FBXW8: variants seen among roughly 807,000 people sequenced by gnomAD.
The protein encoded by FBXW8 is F-box/WD repeat-containing protein 8.
Under a neutral mutation model 65.3 loss-of-function variants are expected in FBXW8, and 57 were observed. The ratio of observed to expected loss-of-function variants is 0.87; its 90% CI spans 0.71 to 1.09. The LOEUF is 1.09. FBXW8 is among the 50% of genes least tolerant of loss of function. FBXW8 has a pLI of 0.00. For synonymous variants in FBXW8, 308 were observed against 330.2 expected, an observed-to-expected ratio of 0.93 and a Z score of 0.73; for missense variants, 777 against 814.8, an observed-to-expected ratio of 0.95 and a Z score of 0.57.
intron 1 of FBXW8, 152 bp from the exon 2 acceptor site, chr12:116,927,871 G>A: frequency 1.7e-6 from 1 of 583,786 alleles, no homozygotes; most frequent in Non-Finnish European, 3.0e-6. Context: ...ATGACTGCCT[G>A]GTGAAACAGT....
chr12:116,993,543 GA>G (rs1953304763), intron 7 of FBXW8, among the ~76,000 whole-genome samples: 1 of 152,094 alleles, frequency 6.6e-6, no homozygotes, highest in Non-Finnish European at 1.5e-5. Context: ...ATTCTTTTGA[GA>G]AATATCTGTT....
chr12:116,991,342 C>T (rs1399078706), intron 7 of FBXW8, among the ~76,000 whole-genome samples: 1 of 152,192 alleles, frequency 6.6e-6, no homozygotes, highest in East Asian at 1.9e-4. Context: ...TTTCTGCTTC[C>T]TCAGAAAAAC....
Position 116,911,045 on chromosome 12 carries a change from ACTACAGC to A in FBXW8, c.11_17del (p.Tyr4TrpfsTer74). ...GCGCCGGGAGCGGCGAATATGGACG[ACTACAGC>A]CTGGATGAGTTCCGTCGGCGCTGGC... On this transcript the variant is annotated frameshift_variant, in exon 1 of 11. Coordinates refer to ENST00000652555, the MANE Select transcript of FBXW8 (RefSeq NM_153348.3). LOFTEE classifies it high-confidence loss of function. 6.9e-7 allele frequency: 1 copy of A among 1,445,440 alleles called. No individual in the cohort carries two copies. The highest frequency in any genetic ancestry group is 9.0e-7 in the Non-Finnish European group (1 of 1,107,028). 89.5% of individuals were successfully genotyped at this position (1,445,440 alleles called of 1,614,324 possible).
At chr12:117,004,585 G>C (rs1463728087) in intron 7 of FBXW8, among the ~76,000 whole-genome samples, 1 of 152,202 alleles carries the variant, frequency 6.6e-6, no homozygotes, top group Non-Finnish European at 1.5e-5. Context: ...CAGAACTTGT[G>C]TGGGGGCAGA....
intron 7 of FBXW8, among the ~76,000 whole-genome samples, chr12:117,002,255 G>T (rs563383269): frequency 1.3e-5 from 2 of 152,370 alleles, no homozygotes; most frequent in South Asian, 4.1e-4. Context: ...CACAGGCCTT[G>T]CCTACCCAGC....
chr12:116,957,831 G>A (rs1008633849), intron 4 of FBXW8, among the ~76,000 whole-genome samples: 11 of 152,128 alleles, frequency 7.2e-5, no homozygotes, highest in African/African-American at 2.7e-4. Flanking sequence ...TCTGCTGTGA[G>A]GTATACATGC....
At chr12:116,965,744 G>A (rs1884279100) in intron 5 of FBXW8, among the ~76,000 whole-genome samples, 1 of 152,052 alleles carries the variant, frequency 6.6e-6, no homozygotes, top group Non-Finnish European at 1.5e-5. Context: ...AAAAATTAGG[G>A]CTGAGATCTT....
chr12:117,001,722 G>T (rs1018145001), intron 7 of FBXW8, among the ~76,000 whole-genome samples: 81 of 152,136 alleles, frequency 5.3e-4, no homozygotes, highest in African/African-American at 1.8e-3. Flanking sequence ...GAGCATGAAG[G>T]AGGGTGTAAG....
chr12:116,991,031 G>A (rs1000459802), intron 7 of FBXW8, among the ~76,000 whole-genome samples: 2 of 152,118 alleles, frequency 1.3e-5, no homozygotes, highest in Non-Finnish European at 1.5e-5. Flanking sequence ...TGGTGTTTTC[G>A]CTGGTGTTTT....
At chr12:116,914,572 C>CAAAA (rs142680270) in intron 1 of FBXW8, among the ~76,000 whole-genome samples, 4 of 83,724 alleles carry the variant, frequency 4.8e-5, no homozygotes, top group Non-Finnish European at 6.2e-5. Flanking sequence ...AACCCTGTCT[C>CAAAA]AAAAAAAAAA....
chr12:116,945,580 G>A (rs778354237), intron 3 of FBXW8, 52 bp downstream of exon 3: 11 of 1,556,038 alleles, frequency 7.1e-6, no homozygotes, highest in Non-Finnish European at 9.7e-6. Context: ...GCAAGGACAT[G>A]GGAATCCAAG....
At chr12:116,937,534 C>CA (rs1044899598) in intron 2 of FBXW8, among the ~76,000 whole-genome samples, 10 of 152,176 alleles carry the variant, frequency 6.6e-5, no homozygotes, top group African/African-American at 2.4e-4. Flanking sequence ...AGAAAGTGAT[C>CA]AAAGGTGTTA....
rs931635203 is a variant in FBXW8 at position 116,911,324 on chromosome 12, A to G, written c.287A>G (p.Glu96Gly). 7.8e-7 allele frequency: 1 copy of G among 1,284,496 alleles called. No homozygotes were observed. The highest frequency in any genetic ancestry group is 9.8e-7 in the Non-Finnish European group (1 of 1,019,434). The allele number at this position is 1,284,496 out of a possible 1,614,324, so 79.6% of individuals were successfully genotyped here. A position where few individuals can be genotyped will look rare whatever the true frequency, so the allele number is the denominator to read the frequency against. ...GCCCGCGAGGGCGCCGGGGGCGGGG[A>G]GCAGCTGGTGGACCAGCTCATCCGC... Reference protein sequence around the residue: ...PLAREGAGGGEQLVDQLIRDL... With the variant: ...PLAREGAGGGGQLVDQLIRDL... The change falls in exon 1 of 11, where the codon GAG becomes GGG. Residue 96 changes from glutamate to glycine, a missense_variant. Glu to Gly is a moderately conservative substitution (Grantham distance 98). Transcript: ENST00000652555.
At chr12:116,912,354 A>AT (rs893930252) in intron 1 of FBXW8, among the ~76,000 whole-genome samples, 15 of 150,570 alleles carry the variant, frequency 1.0e-4, no homozygotes, top group Non-Finnish European at 1.6e-4. Flanking sequence ...CACTCAGCTA[A>AT]TTTTTTAAAT....
At chr12:116,914,331 C>T (rs1880226255) in intron 1 of FBXW8, among the ~76,000 whole-genome samples, 1 of 151,862 alleles carries the variant, frequency 6.6e-6, no homozygotes, top group African/African-American at 2.4e-5. Context: ...GTAATCCTAG[C>T]ACTTTGGGAG....
In FBXW8 at chr12:117,028,282, G is replaced by A. The variant is rs1435018525; in HGVS notation, c.*110G>A. 63 of 1,349,230 alleles carry A rather than the reference G, an allele frequency of 4.7e-5. No homozygotes were observed. Among genetic ancestry groups the A allele is most frequent in the Non-Finnish European group, 5.8e-5 (57 of 988,764 alleles). 83.6% of individuals were successfully genotyped at this position (1,349,230 alleles called of 1,614,324 possible). On this transcript the variant is annotated 3_prime_UTR_variant, in exon 11 of 11. Transcript: ENST00000652555. The surrounding 1 kb of genome is among the most constrained non-coding windows in gnomAD (Gnocchi z 4.1). The stretch of plus-strand genomic sequence containing the variant: ...GGTAAACATTTAGGGGAAGAAAGCA[G>A]CCCAGGGTGCCATGCCTGACAGCAC...
chr12:116,971,605 T>C (rs1884651441), intron 5 of FBXW8, among the ~76,000 whole-genome samples: 1 of 152,158 alleles, frequency 6.6e-6, no homozygotes. Flanking sequence ...GTAGAATCTG[T>C]GTTATATCTG....
chr12:116,978,941 T>G (rs1478972826), intron 5 of FBXW8: 2 of 152,176 alleles, frequency 1.3e-5, no homozygotes, highest in African/African-American at 4.8e-5. Context: ...CAGTTTTAGT[T>G]GGGACTTATC....
chr12:116,994,689 G>T (rs1317410490), intron 7 of FBXW8, among the ~76,000 whole-genome samples: 1 of 152,198 alleles, frequency 6.6e-6, no homozygotes, highest in Non-Finnish European at 1.5e-5. Context: ...TCATTTCTAT[G>T]ACATAACAAA....
Sources: gnomAD v4.1 joint callset for allele counts (sites outside exome capture counted in the v4.1 genomes callset) on GRCh38, gnomAD v4.1.1 for gene constraint, Gnocchi (gnomAD v3.1) non-coding constraint, MANE v1.5 for transcripts, NCBI Gene and HGNC (gene_info 2026-07-23, HGNC 2026-07-21) for gene names.